Variants in NFIC observed in about 807,000 individuals in gnomAD.
NFIC encodes nuclear factor I C, also known as nuclear factor 1 C-type.
In NFIC, 12 loss-of-function variants were observed where a neutral mutation model predicts 54.4. That is an observed-to-expected ratio of 0.22 (90% CI 0.14 to 0.36). NFIC has a LOEUF of 0.36. Ranked by LOEUF, NFIC falls within the 10% of genes least tolerant of loss-of-function variation. The pLI is 1.00. For missense variants in NFIC, 575 were observed against 718.2 expected (o/e 0.80, Z 2.28); for synonymous variants, 322 against 319.2 (o/e 1.01, Z -0.09).
chr19:3,421,409 T>C (rs1486435570), intron 2 of NFIC, among the ~76,000 whole-genome samples: 1 of 152,214 alleles, frequency 6.6e-6, no homozygotes. Context: ...GTGCCCAGCC[T>C]TGAGACAGTC....
chr19:3,433,761 G>C (rs1401062999), intron 4 of NFIC, among the ~76,000 whole-genome samples, 169 bp downstream of exon 4: 5 of 152,096 alleles, frequency 3.3e-5, no homozygotes, highest in Non-Finnish European at 1.5e-5. Flanking sequence ...CAGAGCCCAA[G>C]GTCAGGGCTC....
At chr19:3,435,013 A>G in intron 5 of NFIC, 70 bp from the exon 6 acceptor site, 1 of 1,479,008 alleles carries the variant, frequency 6.8e-7, no homozygotes, top group Non-Finnish European at 9.1e-7. Context: ...GGAAGTAGCA[A>G]AGCCCGCCGT....
chr19:3,445,202 TGCAC>T (rs2082357604), intron 6 of NFIC, among the ~76,000 whole-genome samples: 1 of 151,252 alleles, frequency 6.6e-6, no homozygotes, highest in African/African-American at 2.4e-5. Flanking sequence ...TGTATTCACA[TGCAC>T]ACACACACGT....
At chr19:3,419,441 T>C (rs1238606533) in intron 2 of NFIC, among the ~76,000 whole-genome samples, 1 of 151,970 alleles carries the variant, frequency 6.6e-6, no homozygotes, top group Non-Finnish European at 1.5e-5. Context: ...GCCACTGCAC[T>C]GCAGCCTGGG....
At chr19:3,438,435 T>C (rs903295619) in intron 6 of NFIC, among the ~76,000 whole-genome samples, 11 of 149,402 alleles carry the variant, frequency 7.4e-5, no homozygotes, top group Non-Finnish European at 1.6e-4. Flanking sequence ...GTTTCTTTTT[T>C]TTTTTTTTTT....
chr19:3,421,412 A>T (rs1252728132), intron 2 of NFIC, among the ~76,000 whole-genome samples: 1 of 152,180 alleles, frequency 6.6e-6, no homozygotes, highest in African/African-American at 2.4e-5. Flanking sequence ...CCCAGCCTTG[A>T]GACAGTCCAA....
intron 2 of NFIC, among the ~76,000 whole-genome samples, chr19:3,401,732 TC>T (rs71931808): frequency 0.58 from 61,891 of 107,162 alleles, 15,323 homozygotes; most frequent in Non-Finnish European, 0.67. Flanking sequence ...TTTTTTTTTC[TC>T]TTTTTTTAGA....
At chr19:3,439,375 A>C (rs1365996110) in intron 6 of NFIC, among the ~76,000 whole-genome samples, 1 of 127,604 alleles carries the variant, frequency 7.8e-6, no homozygotes, top group Non-Finnish European at 1.6e-5. Flanking sequence ...AAAAAAAAAA[A>C]GGCTCACCTG....
In NFIC at chr19:3,381,816, C is replaced by T. The variant is rs781293994; in HGVS notation, c.135C>T (p.His45=). ...QARKRKYFKK[H]EKRMSKDEER... ...GGAAGCGCAAGTACTTCAAGAAGCACGAGAAGCGGATGTCGAAGGACGAGG... is the reference window on the plus strand; with the variant it reads ...GGAAGCGCAAGTACTTCAAGAAGCATGAGAAGCGGATGTCGAAGGACGAGG... Residue 45 remains histidine (H), a synonymous_variant, in exon 2 of 11, where the codon CAC becomes CAT. Transcript: ENST00000443272. The T allele has an allele frequency of 1.9e-5, 30 of 1,614,010 alleles. No individual in the cohort carries two copies. Among genetic ancestry groups the T allele is most frequent in the Non-Finnish European group, 2.3e-5 (27 of 1,179,974 alleles).
intron 2 of NFIC, among the ~76,000 whole-genome samples, chr19:3,414,322 C>T (rs1330013391): frequency 6.6e-6 from 1 of 152,062 alleles, no homozygotes; most frequent in African/African-American, 2.4e-5. Context: ...ACAGGCCGGG[C>T]GCGGTGGCTC....
At chr19:3,401,496 T>C (rs566658534) in intron 2 of NFIC, among the ~76,000 whole-genome samples, 6 of 152,284 alleles carry the variant, frequency 3.9e-5, no homozygotes, top group African/African-American at 1.4e-4. Context: ...TGGCCCTTGC[T>C]CTCCTTGCCC....
At chr19:3,385,627 C>T (rs2145487266) in intron 2 of NFIC, among the ~76,000 whole-genome samples, 1 of 141,562 alleles carries the variant, frequency 7.1e-6, no homozygotes, top group South Asian at 2.3e-4. Flanking sequence ...GGCTGGAGTG[C>T]AATGACGCAA....
In NFIC at chr19:3,464,267, G is replaced by A; in HGVS notation, c.*1498G>A. 1 of 985,394 alleles carries A rather than the reference G, an allele frequency of 1.0e-6. No homozygotes were observed. The highest frequency in any genetic ancestry group is 4.7e-5 in the South Asian group (1 of 21,288). The allele number at this position is 985,394 out of a possible 1,614,324, so 61.0% of individuals were successfully genotyped here. A position where few individuals can be genotyped will look rare whatever the true frequency, so the allele number is the denominator to read the frequency against. On this transcript the variant is annotated 3_prime_UTR_variant, in exon 11 of 11. Transcript: ENST00000443272. Reference sequence around the variant, plus strand: ...ACGCCAGCGGTCCCCGCTCGGAACGGGGAGGGTTTTCGGGGGGTTCGGCGT... The same window carrying A: ...ACGCCAGCGGTCCCCGCTCGGAACGAGGAGGGTTTTCGGGGGGTTCGGCGT...
chr19:3,403,953 A>T lies in NFIC; in HGVS notation c.563-21153A>T, dbSNP rs1199451707. 2.6e-5 allele frequency among the ~76,000 whole-genome samples: 4 copies of T among 151,588 alleles called. No homozygotes were observed. In the East Asian group the frequency reaches 5.8e-4, roughly 22 times the overall value. On this transcript the variant is annotated intron_variant, in intron 2 of 10. Transcript: ENST00000443272. ...TCCCTTCCGGAGCCTCTCCATGGGG[A>T]CGCCCGTGTGTGCGCTCAGCCAGTG...
rs1172475554 is a variant in NFIC at position 3,453,793 on chromosome 19, A to T, written c.1300A>T (p.Ser434Cys). ...LNGSGQLKMPSHCLSAQMLAP... is the reference protein window; with the variant it reads ...LNGSGQLKMPCHCLSAQMLAP... ...TGGAAGTGGTCAGCTCAAAATGCCCAGCCACTGCCTTTCTGCTCAGATGCT... is the reference window on the plus strand; with the variant it reads ...TGGAAGTGGTCAGCTCAAAATGCCCTGCCACTGCCTTTCTGCTCAGATGCT... The change falls in exon 9 of 11, where the codon AGC becomes TGC. Residue 434 changes from serine to cysteine, a missense_variant. By Grantham distance (112) the Ser-to-Cys change is moderately radical. Around this residue, in one of 3 missense-constraint regions of NFIC, gnomAD observed 447 missense variants for 526.9 expected, o/e 0.85. Coordinates refer to ENST00000443272, the MANE Select transcript of NFIC (RefSeq NM_001245002.2). This position sits in a 1 kb window ranked among gnomAD's most constrained non-coding sequence, Gnocchi z 6.7. The T allele has an allele frequency of 6.2e-7, 1 of 1,605,764 alleles. No homozygotes were observed. The highest frequency in any genetic ancestry group is 1.7e-5 in the Admixed American group (1 of 58,974).
rs553824324 is a variant in NFIC, at chr19:3,459,467, C to T, written c.1509+2832C>T. Among the ~76,000 whole-genome samples, 4 of 152,078 alleles carry T rather than the reference C, an allele frequency of 2.6e-5. No homozygotes were observed. Among genetic ancestry groups the T allele is most frequent in the South Asian group, 4.1e-4 (2 of 4,824 alleles). On this transcript the variant is annotated intron_variant, in intron 10 of 10. Coordinates refer to ENST00000443272, the MANE Select transcript of NFIC (RefSeq NM_001245002.2). This position sits in a 1 kb window ranked among gnomAD's most constrained non-coding sequence, Gnocchi z 4.2. ...AGCTGGGTAAACCGAGGGTGGGGGGCAAGGCGGGCATTGAGCCACATGCCG... is the reference window on the plus strand; with the variant it reads ...AGCTGGGTAAACCGAGGGTGGGGGGTAAGGCGGGCATTGAGCCACATGCCG...
chr19:3,383,244 G>A (rs1367169737), intron 2 of NFIC, among the ~76,000 whole-genome samples: 1 of 152,178 alleles, frequency 6.6e-6, no homozygotes, highest in Non-Finnish European at 1.5e-5. Flanking sequence ...CTGCCAGAGG[G>A]GTGTTTGCCG....
chr19:3,427,559 T>C (rs889943091), intron 3 of NFIC, among the ~76,000 whole-genome samples: 1 of 151,762 alleles, frequency 6.6e-6, no homozygotes, highest in Non-Finnish European at 1.5e-5. Flanking sequence ...CCAAGTGCGG[T>C]GGCTCACGCC....
At chr19:3,394,946 T>C (rs1441345453) in intron 2 of NFIC, among the ~76,000 whole-genome samples, 1 of 152,104 alleles carries the variant, frequency 6.6e-6, no homozygotes, top group Non-Finnish European at 1.5e-5. Flanking sequence ...AATCGGTCCC[T>C]GGGGCCAAGA....
Sources: gnomAD v4.1 joint callset for allele counts (sites outside exome capture counted in the v4.1 genomes callset) on GRCh38, gnomAD v4.1.1 for gene constraint, gnomAD v4.1.1 regional missense constraint, Gnocchi (gnomAD v3.1) non-coding constraint, MANE v1.5 for transcripts, NCBI Gene and HGNC (gene_info 2026-07-23, HGNC 2026-07-21) for gene names.